GSE1: variants seen among roughly 807,000 people sequenced by gnomAD.
GSE1 encodes the protein Gse1 coiled-coil protein.
A neutral mutation model predicts 112.6 loss-of-function variants in GSE1; 32 were observed. The observed-to-expected ratio is 0.28, with a 90% CI of 0.21 to 0.38. GSE1 has a LOEUF of 0.38. Ranked by LOEUF, GSE1 falls within the 10% of genes least tolerant of loss-of-function variation. The pLI, the probability that GSE1 is intolerant of heterozygous loss-of-function variation, is 1.00. For synonymous variants in GSE1, 1,115 were observed against 735.6 expected (o/e 1.52, Z -8.35); for missense variants, 2,348 against 1,699.2 (o/e 1.38, Z -6.71).
chr16:85,173,306 C>T (rs2074395517), intron 1 of GSE1, among the ~76,000 whole-genome samples: 2 of 152,186 alleles, frequency 1.3e-5, no homozygotes. Context: ...TTTCGAAATT[C>T]TGCCCTTTCT....
intron 1 of GSE1, among the ~76,000 whole-genome samples, chr16:85,175,270 G>A (rs953006261): frequency 4.6e-5 from 7 of 152,118 alleles, no homozygotes; most frequent in African/African-American, 1.7e-4. Flanking sequence ...TGCCTCCTTC[G>A]CCAGGGCTGT....
At chr16:85,502,911 T>C (rs2051418694) in intron 2 of GSE1, among the ~76,000 whole-genome samples, 1 of 151,964 alleles carries the variant, frequency 6.6e-6, no homozygotes, top group Admixed American at 6.6e-5. Context: ...CAGGGCTGGG[T>C]GCCCACGGAA....
intron 1 of GSE1, among the ~76,000 whole-genome samples, chr16:85,338,116 G>C (rs1373986503): frequency 6.6e-6 from 1 of 152,228 alleles, no homozygotes; most frequent in African/African-American, 2.4e-5. Context: ...CACCTGTCCT[G>C]TTCTTCCCTG....
At chr16:85,313,980 G>C (rs1379766567) in intron 1 of GSE1, among the ~76,000 whole-genome samples, 1 of 143,714 alleles carries the variant, frequency 7.0e-6, no homozygotes, top group Non-Finnish European at 1.5e-5. Flanking sequence ...ACACAGCCTA[G>C]TGTGTGTATG....
intron 1 of GSE1, among the ~76,000 whole-genome samples, chr16:85,177,751 A>G (rs1028147777): frequency 1.3e-5 from 2 of 152,174 alleles, no homozygotes; most frequent in Non-Finnish European, 2.9e-5. Flanking sequence ...TAAATTTAGT[A>G]TATGATGCCG....
intron 2 of GSE1, among the ~76,000 whole-genome samples, chr16:85,496,355 C>G (rs2051177450): frequency 6.7e-6 from 1 of 148,656 alleles, no homozygotes; most frequent in Non-Finnish European, 1.5e-5. Context: ...ATGGCTGACG[C>G]CGAGCACCGC....
intron 2 of GSE1, among the ~76,000 whole-genome samples, chr16:85,543,732 G>T (rs561518718): frequency 3.3e-5 from 5 of 152,214 alleles, no homozygotes; most frequent in Non-Finnish European, 5.9e-5. Context: ...CATAGTAGGA[G>T]GTCTAAAACT....
chr16:85,362,893 T>C (rs1453194002), intron 2 of GSE1, among the ~76,000 whole-genome samples: 1 of 144,800 alleles, frequency 6.9e-6, no homozygotes, highest in Non-Finnish European at 1.5e-5. Flanking sequence ...TGGAGTGCAG[T>C]GACATGATCT....
At chr16:85,545,932 G>T (rs1388350725) in intron 2 of GSE1, among the ~76,000 whole-genome samples, 1 of 151,800 alleles carries the variant, frequency 6.6e-6, no homozygotes, top group Admixed American at 6.6e-5. Flanking sequence ...ACAGGCGCCC[G>T]CCACCACACT....
At chr16:85,664,801 C>T (rs1204903949) in intron 11 of GSE1, 26 of 558,038 alleles carry the variant, frequency 4.7e-5, no homozygotes, top group African/African-American at 7.6e-5. Context: ...CTTTGGAGCA[C>T]GTCTAGGACA....
intron 1 of GSE1, among the ~76,000 whole-genome samples, chr16:85,313,894 G>A (rs1305391723): frequency 6.6e-6 from 1 of 151,880 alleles, no homozygotes; most frequent in East Asian, 1.9e-4. Context: ...CTGGGGTGAT[G>A]TGCTACAGCA....
rs560756402 is a variant in GSE1 at position 85,664,827 on chromosome 16, C to T, written c.2645-188C>T. 436 of 586,970 alleles carry T rather than the reference C, an allele frequency of 7.4e-4. 7 individuals are homozygous for T. In the South Asian group the frequency reaches 7.8e-3, roughly 10 times the overall value. 36.4% of individuals were successfully genotyped at this position (586,970 alleles called of 1,614,324 possible). The stretch of plus-strand genomic sequence containing the variant: ...GTCTAGGACATTGTGTAGTGGATGC[C>T]GAGAGCAATCTGGGCTCGCTTTGAG... On this transcript the variant is annotated intron_variant, in intron 11 of 15. Coordinates refer to ENST00000253458, the MANE Select transcript of GSE1 (RefSeq NM_014615.5).
chr16:85,171,894 C>A, intron 1 of GSE1: 2 of 768,168 alleles, frequency 2.6e-6, no homozygotes, highest in Non-Finnish European at 3.2e-6. Flanking sequence ...CTCAGAAAAA[C>A]TCTGAAGGAG....
At chr16:85,477,874 T>C (rs2050510206) in intron 2 of GSE1, among the ~76,000 whole-genome samples, 1 of 152,110 alleles carries the variant, frequency 6.6e-6, no homozygotes, top group African/African-American at 2.4e-5. Context: ...GTTTTGTTTT[T>C]TCAAACAGCT....
chr16:85,266,884 G>C lies in GSE1; in HGVS notation c.2284-90579G>C, dbSNP rs574057185. Among the ~76,000 whole-genome samples, 111 of 152,258 alleles carry C rather than the reference G, an allele frequency of 7.3e-4. 1 individual carries two copies. Among genetic ancestry groups the C allele is most frequent in the Admixed American group, 3.5e-3 (54 of 15,302 alleles). ...GTGGGGAGTGGAAACCGACCTCCAC[G>C]TCCTGTGCTCCTGCCCTCTCCCCCT... is the stretch of plus-strand genomic sequence containing the variant. On this transcript the variant is annotated intron_variant, in intron 1 of 2. Coordinates refer to the GSE1 transcript ENST00000637419.
chr16:85,661,426 C>T lies in GSE1; in HGVS notation c.1921C>T (p.Arg641Cys), dbSNP rs946970351. 7 of 1,611,984 alleles carry T rather than the reference C, an allele frequency of 4.3e-6. No homozygotes were observed. The highest frequency in any genetic ancestry group is 1.7e-5 in the Admixed American group (1 of 59,996). The change falls in exon 9 of 16, where the codon CGT becomes TGT. Residue 641 changes from arginine (R) to cysteine (C), a missense_variant. Arg to Cys is a radical substitution (Grantham distance 180). Coordinates refer to ENST00000253458, the MANE Select transcript of GSE1 (RefSeq NM_014615.5). ...PEKAEEGPRKREPAPLDKYQP... is the reference protein window; with the variant it reads ...PEKAEEGPRKCEPAPLDKYQP... ...GAAAGCAGAGGAGGGGCCACGGAAG[C>T]GTGAGCCTGCCCCTCTGGACAAGTA...
chr16:85,331,649 A>T (rs1365995402), intron 1 of GSE1, among the ~76,000 whole-genome samples: 4 of 135,766 alleles, frequency 2.9e-5, no homozygotes, highest in Admixed American at 7.9e-5. Flanking sequence ...GTGTGTATAT[A>T]TATATGTGTA....
At chr16:85,172,931 G>A (rs1233847968) in intron 1 of GSE1, among the ~76,000 whole-genome samples, 1 of 152,198 alleles carries the variant, frequency 6.6e-6, no homozygotes, top group Non-Finnish European at 1.5e-5. Context: ...CCGATACGCG[G>A]CCCCTGTCTT....
intron 1 of GSE1, among the ~76,000 whole-genome samples, chr16:85,584,848 C>T (rs183753385): frequency 7.9e-5 from 12 of 152,080 alleles, no homozygotes; most frequent in Admixed American, 5.9e-4. Flanking sequence ...GATGGAAACG[C>T]GTGCCAAGGT....
Sources: allele counts gnomAD v4.1 joint callset (sites outside exome capture counted in the v4.1 genomes callset), GRCh38; gene constraint gnomAD v4.1.1; transcripts MANE v1.5; gene names NCBI Gene and HGNC (gene_info 2026-07-23, HGNC 2026-07-21).